LRCH1: variants seen among roughly 807,000 people sequenced by gnomAD.
The protein encoded by LRCH1 is leucine rich repeats and calponin homology domain containing 1, also known as leucine-rich repeat and calponin homology domain-containing protein 1.
In LRCH1, 23 loss-of-function variants were observed where a neutral mutation model predicts 94.9. That is an observed-to-expected ratio of 0.24 (90% CI 0.17 to 0.34). The LOEUF (loss-of-function observed/expected upper bound fraction) is 0.34, where lower values mean the gene tolerates loss of function less well. Among genes scored for constraint, LRCH1 ranks in the 10% least tolerant of loss-of-function variants. The pLI is 1.00. For missense variants in LRCH1, 790 were observed against 945.9 expected, an observed-to-expected ratio of 0.84 and a Z score of 2.16; for synonymous variants, 364 against 354.9, an observed-to-expected ratio of 1.03 and a Z score of -0.29.
chr13:46,678,496 G>T (rs558378186), intron 3 of LRCH1, among the ~76,000 whole-genome samples: 1 of 152,172 alleles, frequency 6.6e-6, no homozygotes, highest in Non-Finnish European at 1.5e-5. Flanking sequence ...GTCAGGACAG[G>T]AAGTAATTGA....
intron 3 of LRCH1, among the ~76,000 whole-genome samples, chr13:46,672,855 T>C (rs1416970589): frequency 2.6e-5 from 4 of 152,168 alleles, no homozygotes; most frequent in Admixed American, 2.0e-4. Flanking sequence ...ATCTTACGAA[T>C]GAAGAAACCC....
chr13:46,721,159 G>T (rs73470769), intron 16 of LRCH1, among the ~76,000 whole-genome samples: 20,961 of 152,184 alleles, frequency 0.14, 1,550 homozygotes, highest in South Asian at 0.24. Context: ...AGGCAATGTG[G>T]TGTTGAACAA....
chr13:46,750,478 C>T (rs746980745), intron 18 of LRCH1: 9 of 1,170,186 alleles, frequency 7.7e-6, no homozygotes, highest in Non-Finnish European at 1.0e-5. Flanking sequence ...AACGATGTAG[C>T]AGGATTTTAC....
intron 1 of LRCH1, among the ~76,000 whole-genome samples, chr13:46,616,290 A>G (rs993706855): frequency 1.3e-5 from 2 of 152,228 alleles, no homozygotes; most frequent in African/African-American, 4.8e-5. Context: ...AAAACCAGAA[A>G]CAGAGCCCTG....
intron 1 of LRCH1, among the ~76,000 whole-genome samples, chr13:46,606,473 C>G (rs992703510): frequency 6.6e-6 from 1 of 152,166 alleles, no homozygotes; most frequent in South Asian, 2.1e-4. Flanking sequence ...GCATTTCCCC[C>G]CTTCTGTGTT....
chr13:46,585,920 G>A (rs1816291051), intron 1 of LRCH1, among the ~76,000 whole-genome samples: 1 of 151,990 alleles, frequency 6.6e-6, no homozygotes, highest in African/African-American at 2.4e-5. Context: ...TTCAGATTTG[G>A]GCGTGCTTTT....
At chr13:46,652,445 C>T (rs1166075489) in intron 2 of LRCH1, among the ~76,000 whole-genome samples, 3 of 150,042 alleles carry the variant, frequency 2.0e-5, no homozygotes, top group Admixed American at 6.7e-5. Flanking sequence ...TTTTAAGTAG[C>T]CTTAACTTCT....
In LRCH1 at chr13:46,662,734, G is replaced by A. The variant is rs183190575; in HGVS notation, c.453-6296G>A. ...ATATATATGAATATTTTAAGCAGTG[G>A]TTTATTTATACTCACGAGGAGATAG... On this transcript the variant is annotated intron_variant, in intron 2 of 19. Transcript: ENST00000389797. 8.5e-5 allele frequency among the ~76,000 whole-genome samples: 13 copies of A among 152,306 alleles called. No homozygotes were observed. In the East Asian group the frequency reaches 2.5e-3, roughly 29 times the overall value.
At chr13:46,689,545 C>T (rs905432610) in intron 7 of LRCH1, among the ~76,000 whole-genome samples, 2 of 152,026 alleles carry the variant, frequency 1.3e-5, no homozygotes, top group Non-Finnish European at 2.9e-5. Flanking sequence ...TTTATACATA[C>T]GCTTATTTTT....
At chr13:46,651,713 T>TG (rs1320160664) in intron 2 of LRCH1, among the ~76,000 whole-genome samples, 1 of 150,802 alleles carries the variant, frequency 6.6e-6, no homozygotes, top group Non-Finnish European at 1.5e-5. Context: ...CTTTTTTTTT[T>TG]TTTTTGATAT....
intron 1 of LRCH1, among the ~76,000 whole-genome samples, chr13:46,595,867 GT>G (rs5803355): frequency 6.1e-5 from 9 of 146,464 alleles, no homozygotes; most frequent in East Asian, 4.0e-4. Flanking sequence ...GCCTCACATT[GT>G]TTTTTTTTTT....
In LRCH1 at chr13:46,743,750, A is replaced by G. The variant is rs1190474185; in HGVS notation, c.*1902A>G. The G allele has an allele frequency of 1.0e-6, 1 of 984,880 alleles. No individual in the cohort carries two copies. The highest frequency in any genetic ancestry group is 1.8e-5 in the African/African-American group (1 of 57,138). 61.0% of individuals were successfully genotyped at this position (984,880 alleles called of 1,614,324 possible). ...AGAAAATGGGAAAAAAAAAAAGAAA[A>G]CTTACTGGGTTGCCACCTTAAAATA... On this transcript the variant is annotated 3_prime_UTR_variant, in exon 20 of 20. Coordinates refer to ENST00000389797, the MANE Select transcript of LRCH1 (RefSeq NM_001164211.2).
chr13:46,684,896 A>G (rs1460452854), intron 4 of LRCH1, among the ~76,000 whole-genome samples: 2 of 152,226 alleles, frequency 1.3e-5, no homozygotes, highest in African/African-American at 4.8e-5. Context: ...GGAATTTGAC[A>G]TAACGTAGCT....
At chr13:46,730,444 G>C (rs777345706) in intron 18 of LRCH1, among the ~76,000 whole-genome samples, 2 of 152,018 alleles carry the variant, frequency 1.3e-5, no homozygotes, top group East Asian at 3.9e-4. Context: ...AAGCTCCTCC[G>C]CCCTCTCCCA....
chr13:46,657,716 A>C, intron 2 of LRCH1, among the ~76,000 whole-genome samples: 1 of 18,272 alleles, frequency 5.5e-5, no homozygotes, highest in African/African-American at 1.6e-4. Flanking sequence ...TTTGGTAGAG[A>C]TGGAATTTTG....
At position 46,699,379 on chromosome 13, in the gene LRCH1, A is replaced by C; in HGVS notation, c.1289A>C (p.Asp430Ala). The C allele has an allele frequency of 1.2e-6, 2 of 1,614,134 alleles. No individual in the cohort carries two copies. The highest frequency in any genetic ancestry group is 1.7e-6 in the Non-Finnish European group (2 of 1,179,966). Residue 430 changes from aspartate to alanine, a missense_variant, in exon 10 of 20, where the codon GAT becomes GCT. By Grantham distance (126) the Asp-to-Ala change is moderately radical. Around this residue, in one of 3 missense-constraint regions of LRCH1, gnomAD observed 460 missense variants for 508.9 expected, o/e 0.90. Coordinates refer to ENST00000389797, the MANE Select transcript of LRCH1 (RefSeq NM_001164211.2). ...GAAGAGCTGTTACGGATAGAAGAGG[A>C]TGTGCACTGGCAAACTGAGGGCATG... Reference protein sequence around the residue: ...DCEELLRIEEDVHWQTEGIIS... With the variant: ...DCEELLRIEEAVHWQTEGIIS...
At chr13:46,589,768 T>C (rs1484580506) in intron 1 of LRCH1, among the ~76,000 whole-genome samples, 2 of 151,950 alleles carry the variant, frequency 1.3e-5, no homozygotes, top group Admixed American at 6.6e-5. Flanking sequence ...GCCCAGCTAA[T>C]TTTTGTATTT....
At chr13:46,606,272 C>CAAAA (rs1469007790) in intron 1 of LRCH1, among the ~76,000 whole-genome samples, 1 of 152,088 alleles carries the variant, frequency 6.6e-6, no homozygotes, top group Non-Finnish European at 1.5e-5. Flanking sequence ...ATTATCAACA[C>CAAAA]TGTTTTGTGA....
At chr13:46,706,778 T>C (rs1187292044) in intron 13 of LRCH1, among the ~76,000 whole-genome samples, 2 of 152,140 alleles carry the variant, frequency 1.3e-5, no homozygotes, top group African/African-American at 2.4e-5. Flanking sequence ...TTTGCAGTGT[T>C]CTACAAAAGC....
Sources: gnomAD v4.1 joint callset for allele counts (sites outside exome capture counted in the v4.1 genomes callset) on GRCh38, gnomAD v4.1.1 for gene constraint, gnomAD v4.1.1 regional missense constraint, MANE v1.5 for transcripts, NCBI Gene and HGNC (gene_info 2026-07-23, HGNC 2026-07-21) for gene names.